The following MIB2 variants were observed in gnomAD, a reference collection of about 807,000 sequenced individuals.
MIB2 encodes the protein MIB E3 ubiquitin protein ligase 2, also known as E3 ubiquitin-protein ligase MIB2.
Under a neutral mutation model 96.6 loss-of-function variants are expected in MIB2, and 78 were observed. That is an observed-to-expected ratio of 0.81 (90% CI 0.67 to 0.97). The LOEUF (loss-of-function observed/expected upper bound fraction) is 0.97. Among genes scored for constraint, MIB2 ranks in the 50% least tolerant of loss-of-function variants. The probability of loss-of-function intolerance (pLI) is 0.00; values close to 1 mark genes in which losing one functional copy is unlikely to be tolerated. For missense variants in MIB2, 1,543 were observed against 1,424.0 expected, an observed-to-expected ratio of 1.08 and a Z score of -1.35; for synonymous variants, 820 against 629.5, an observed-to-expected ratio of 1.30 and a Z score of -4.53.
chr1:1,615,499 C>T (rs896975484), upstream of MIB2: 18 of 1,527,792 alleles, frequency 1.2e-5, no homozygotes, highest in Middle Eastern at 2.0e-4. Context: ...CCTGGGCTCC[C>T]GCCCTTCGGG....
rs1373304647 is a variant in MIB2, at chr1:1,627,411, A to T, written c.1490A>T (p.Glu497Val). Reference sequence around the variant, plus strand: ...GCGGGCGTGGACCTGCCGGACGACGAGGGCAACACGGCACTGCACTACGCG... The same window carrying T: ...GCGGGCGTGGACCTGCCGGACGACGTGGGCAACACGGCACTGCACTACGCG... ...ARAGVDLPDD[E>V]GNTALHYAAL... The change falls in exon 12 of 20, where the codon GAG becomes GTG. Residue 497 changes from glutamate (E) to valine (V), a missense_variant. Physicochemically the swap from Glu to Val is moderately radical, Grantham distance 121. Transcript: ENST00000355826. The T allele has an allele frequency of 1.2e-6, 2 of 1,612,752 alleles. No individual in the cohort carries two copies. Among genetic ancestry groups the T allele is most frequent in the Non-Finnish European group, 1.7e-6 (2 of 1,179,876 alleles).
intron 4 of MIB2, chr1:1,624,250 C>T (rs1051933267): frequency 3.2e-5 from 15 of 473,912 alleles, no homozygotes; most frequent in Admixed American, 3.0e-4. Context: ...CGCTCTGGTC[C>T]GAGGGCATCA....
At position 1,616,494 on chromosome 1, in the gene MIB2, C is replaced by A. The variant is rs377615140; in HGVS notation, c.-129-14C>A. 4 of 1,553,472 alleles carry A rather than the reference C, an allele frequency of 2.6e-6. No individual in the cohort carries two copies. Among genetic ancestry groups the A allele is most frequent in the Non-Finnish European group, 8.7e-7 (1 of 1,147,298 alleles). On this transcript the variant is annotated splice_polypyrimidine_tract_variant and intron_variant, in intron 1 of 19. Coordinates refer to ENST00000355826, the MANE Select transcript of MIB2 (RefSeq NM_001170687.4). Reference sequence around the variant, plus strand: ...GTGCTAACTGTGCATCTTGGCATCTCCCCTCGGCCACAGGGTTGGAAGCCC... The same window carrying A: ...GTGCTAACTGTGCATCTTGGCATCTACCCTCGGCCACAGGGTTGGAAGCCC...
In MIB2 at chr1:1,626,851, C is replaced by G. The variant is rs565775802; in HGVS notation, c.1092C>G (p.Val364=). 5 of 1,602,844 alleles carry G rather than the reference C, an allele frequency of 3.1e-6. No homozygotes were observed. In the South Asian group the frequency reaches 3.3e-5, roughly 11 times the overall value. Residue 364 remains valine, a synonymous_variant, in exon 10 of 20, where the codon GTC becomes GTG. Coordinates refer to ENST00000355826, the MANE Select transcript of MIB2 (RefSeq NM_001170687.4). The surrounding 1 kb of genome is among the most constrained non-coding windows in gnomAD (Gnocchi z 5.3). ...CCTCCCCGCAGGCCCTGGGCCGCGTCGGGAAGGTGGTGAAAGTGTTTGGAG... is the reference window on the plus strand; with the variant it reads ...CCTCCCCGCAGGCCCTGGGCCGCGTGGGGAAGGTGGTGAAAGTGTTTGGAG... ...TDDMAPALGR[V]GKVVKVFGDG...
intron 2 of MIB2, among the ~76,000 whole-genome samples, chr1:1,621,988 C>T (rs1644303138): frequency 6.6e-6 from 1 of 152,228 alleles, no homozygotes; most frequent in Non-Finnish European, 1.5e-5. Flanking sequence ...CAGCCTCTCC[C>T]GGGCCAGGGT....
Position 1,615,585 on chromosome 1 carries a change from A to T in MIB2, c.-178A>T. ...GCCTGGGAGCCCGAAGCCGTCCCCG[A>T]GTCGCTCCTAGGTCACTGGCGCGAT... On this transcript the variant is annotated 5_prime_UTR_variant, in exon 1 of 20. Coordinates refer to ENST00000355826, the MANE Select transcript of MIB2 (RefSeq NM_001170687.4). The T allele has an allele frequency of 6.4e-7, 1 of 1,552,328 alleles. No individual in the cohort carries two copies. The highest frequency in any genetic ancestry group is 8.7e-7 in the Non-Finnish European group (1 of 1,153,076).
intron 1 of MIB2, chr1:1,616,264 G>A (rs1462202532): frequency 2.5e-6 from 1 of 401,730 alleles, no homozygotes. Flanking sequence ...GCGCGTCCCG[G>A]AGCCTCCTGA....
intron 13 of MIB2, 47 bp from the exon 14 acceptor site, chr1:1,627,972 C>G (rs1179303405): frequency 6.2e-7 from 1 of 1,609,310 alleles, no homozygotes; most frequent in South Asian, 1.1e-5. Context: ...TGGCTCTTGA[C>G]CCAAGCAGAA....
In MIB2 at chr1:1,630,354, C is replaced by T. The variant is rs1458899268; in HGVS notation, c.2692C>T (p.Leu898=). ...CCCGCCGCGCCAGCTGGTGGAGGAG[C>T]TGCAGAGCCGCTACCGGCAGATGGA... ...PGPPRQLVEE[L]QSRYRQMEER... Residue 898 remains leucine, a synonymous_variant, in exon 20 of 20, where the codon CTG becomes TTG. Coordinates refer to ENST00000355826, the MANE Select transcript of MIB2 (RefSeq NM_001170687.4). The T allele has an allele frequency of 6.5e-7, 1 of 1,538,834 alleles. No homozygotes were observed. Among genetic ancestry groups the T allele is most frequent in the Non-Finnish European group, 8.7e-7 (1 of 1,143,796 alleles).
intron 2 of MIB2, chr1:1,618,619 A>ACCTG (rs1643961538): frequency 6.6e-6 from 1 of 152,206 alleles, no homozygotes; most frequent in Non-Finnish European, 1.5e-5. Flanking sequence ...CCAGCCCAGA[A>ACCTG]CCTGTCCCAT....
Position 1,628,120 on chromosome 1 carries a change from C to T in MIB2, c.1782C>T (p.Thr594=), listed in dbSNP as rs779185767. ...CGGAGGTGCCAAACATCGATGTTAC[C>T]GCCACCAACAGCCAGGGTTTCACCC... ...VLTEVPNIDV[T]ATNSQGFTLL... is the part of the protein sequence containing the mutation. Residue 594 remains threonine, a synonymous_variant, in exon 14 of 20, where the codon ACC becomes ACT. Transcript: ENST00000355826. 57 of 1,613,274 alleles carry T rather than the reference C, an allele frequency of 3.5e-5. No homozygotes were observed. The highest frequency in any genetic ancestry group is 3.9e-5 in the Non-Finnish European group (46 of 1,180,008).
Position 1,630,341 on chromosome 1 carries a change from G to A in MIB2, c.2679G>A (p.Gln893=). The part of the protein sequence containing the change: ...SAAPAPGPPR[Q]LVEELQSRYR... ...CCCCCGCCCCCGGCCCGCCGCGCCA[G>A]CTGGTGGAGGAGCTGCAGAGCCGCT... Residue 893 remains glutamine, a synonymous_variant, in exon 20 of 20, where the codon CAG becomes CAA. Transcript: ENST00000355826. The A allele has an allele frequency of 1.3e-6, 2 of 1,531,002 alleles. No homozygotes were observed. Among genetic ancestry groups the A allele is most frequent in the Non-Finnish European group, 1.8e-6 (2 of 1,141,846 alleles). 94.8% of individuals were successfully genotyped at this position (1,531,002 alleles called of 1,614,324 possible).
chr1:1,629,602 A>T, intron 18 of MIB2, 36 bp downstream of exon 18: 1 of 1,568,104 alleles, frequency 6.4e-7, no homozygotes, highest in Non-Finnish European at 8.6e-7. Context: ...AGGCCCGGCT[A>T]GTAGGGCCGC....
rs1022459232 is a variant in MIB2, at chr1:1,626,131, G to A, written c.972+478G>A. The A allele has an allele frequency of 2.0e-5, 4 of 200,394 alleles. No homozygotes were observed. Among genetic ancestry groups the A allele is most frequent in the Non-Finnish European group, 3.0e-5 (3 of 98,694 alleles). The allele number at this position is 200,394 out of a possible 1,614,324, so 12.4% of individuals were successfully genotyped here. Reference sequence around the variant, plus strand: ...GTGGCAGCTTGGATGGCCCTGGGAGGGGCAGGCCCGGGGCAAAGCGTCAGA... The same window carrying A: ...GTGGCAGCTTGGATGGCCCTGGGAGAGGCAGGCCCGGGGCAAAGCGTCAGA... On this transcript the variant is annotated intron_variant, in intron 8 of 19. Coordinates refer to ENST00000355826, the MANE Select transcript of MIB2 (RefSeq NM_001170687.4). This position sits in a 1 kb window ranked among gnomAD's most constrained non-coding sequence, Gnocchi z 5.3.
intron 1 of MIB2, chr1:1,616,104 C>T (rs1643617655): frequency 1.1e-5 from 11 of 984,136 alleles, no homozygotes; most frequent in Non-Finnish European, 1.3e-5. Context: ...TCGGCAGGTA[C>T]TGCGCGGCCC....
Position 1,616,577 on chromosome 1 carries a change from C to T in MIB2, c.-60C>T, listed in dbSNP as rs1643717457. The T allele has an allele frequency of 1.2e-6, 2 of 1,603,664 alleles. No individual in the cohort carries two copies. Among genetic ancestry groups the T allele is most frequent in the South Asian group, 1.1e-5 (1 of 89,654 alleles). ...GGCATCAGGGCTGCAGCCCAGGAGCCTCAAGGCGGCCCGGCGGGCGACTGG... is the reference window on the plus strand; with the variant it reads ...GGCATCAGGGCTGCAGCCCAGGAGCTTCAAGGCGGCCCGGCGGGCGACTGG... On this transcript the variant is annotated 5_prime_UTR_variant, in exon 2 of 20. Transcript: ENST00000355826.
Position 1,627,755 on chromosome 1 carries a change from C to T in MIB2, c.1606C>T (p.His536Tyr), listed in dbSNP as rs1644944750. ...CAACAGCACCCAGAGCACAGCACTG[C>T]ACGTGGCCGTGCAGAGGGGCTTCCT... is the stretch of plus-strand genomic sequence containing the variant. ...AINSTQSTAL[H>Y]VAVQRGFLEV... Residue 536 changes from histidine (H) to tyrosine (Y), a missense_variant, in exon 13 of 20, where the codon CAC becomes TAC. Transcript: ENST00000355826. 1.9e-6 allele frequency: 3 copies of T among 1,597,250 alleles called. No homozygotes were observed. The highest frequency in any genetic ancestry group is 2.5e-6 in the Non-Finnish European group (3 of 1,179,132).
At chr1:1,615,702 GA>G in intron 1 of MIB2, 69 bp downstream of exon 1, 1 of 1,510,584 alleles carries the variant, frequency 6.6e-7, no homozygotes, top group Non-Finnish European at 8.8e-7. Context: ...CGCTCTGGCA[GA>G]ACGCGAGCGC....
At chr1:1,623,376 C>A (rs755650795) in intron 2 of MIB2, 55 bp from the exon 3 acceptor site, 3 of 1,589,480 alleles carry the variant, frequency 1.9e-6, no homozygotes, top group Admixed American at 1.7e-5. Flanking sequence ...CTGAGAATAC[C>A]CTCTGCCCAC....
Sources: allele counts gnomAD v4.1 joint callset (sites outside exome capture counted in the v4.1 genomes callset), GRCh38; gene constraint gnomAD v4.1.1; non-coding constraint Gnocchi (gnomAD v3.1); transcripts MANE v1.5; gene names NCBI Gene and HGNC (gene_info 2026-07-23, HGNC 2026-07-21).